NTRK2: variants seen among roughly 807,000 people sequenced by gnomAD.
The protein encoded by NTRK2 is BDNF/NT-3 growth factors receptor.
NTRK2 carries 13 observed loss-of-function variants against 94.5 expected under a neutral mutation model. That is an observed-to-expected ratio of 0.14 (90% CI 0.09 to 0.22). The LOEUF is 0.22. Among genes scored for constraint, NTRK2 ranks in the 10% least tolerant of loss-of-function variants. The pLI, the probability that NTRK2 is intolerant of heterozygous loss-of-function variation, is 1.00. For missense variants in NTRK2, 639 were observed against 1,071.2 expected (o/e 0.60, Z 5.63); for synonymous variants, 372 against 407.4 (o/e 0.91, Z 1.05).
chr9:84,830,365 A>T (rs1040522751), intron 12 of NTRK2, among the ~76,000 whole-genome samples: 1 of 152,194 alleles, frequency 6.6e-6, no homozygotes, highest in Non-Finnish European at 1.5e-5. Context: ...GGGCATTTAA[A>T]TATTAGCACC....
At chr9:84,774,307 G>A (rs1296322710) in intron 12 of NTRK2, among the ~76,000 whole-genome samples, 1 of 152,142 alleles carries the variant, frequency 6.6e-6, no homozygotes, top group East Asian at 1.9e-4. Context: ...GATGGATGCT[G>A]CCCCGGCCAG....
intron 17 of NTRK2, 190 bp downstream of exon 17, chr9:84,955,707 G>A: frequency 2.9e-6 from 2 of 679,204 alleles, no homozygotes; most frequent in South Asian, 1.6e-5. Flanking sequence ...TCCTCCTGAG[G>A]CCTCGCTCCT....
intron 14 of NTRK2, among the ~76,000 whole-genome samples, chr9:84,927,018 G>A (rs2077845494): frequency 1.3e-5 from 2 of 152,324 alleles, no homozygotes; most frequent in Admixed American, 1.3e-4. Context: ...ATTGATCATT[G>A]TGCCTATCGG....
intron 12 of NTRK2, among the ~76,000 whole-genome samples, chr9:84,846,623 T>G (rs1229992140): frequency 6.6e-6 from 1 of 152,242 alleles, no homozygotes; most frequent in East Asian, 1.9e-4. Context: ...ACATTTTGTT[T>G]TCTCTGGATC....
At chr9:84,723,045 A>G (rs1221552680) in intron 6 of NTRK2, among the ~76,000 whole-genome samples, 1 of 152,244 alleles carries the variant, frequency 6.6e-6, no homozygotes, top group East Asian at 1.9e-4. Context: ...TTTCTTCAAT[A>G]GAATGAGTCT....
chr9:84,884,183 TG>T (rs2076346774), intron 14 of NTRK2, among the ~76,000 whole-genome samples: 1 of 152,228 alleles, frequency 6.6e-6, no homozygotes, highest in Non-Finnish European at 1.5e-5. Context: ...TAAATAAGAT[TG>T]GGTAAGAGAA....
At chr9:84,687,076 G>A (rs972537804) in intron 2 of NTRK2, among the ~76,000 whole-genome samples, 3 of 152,066 alleles carry the variant, frequency 2.0e-5, no homozygotes, top group Admixed American at 6.6e-5. Context: ...TGTATTTGAC[G>A]GGTTTTTTTC....
rs1045092810 is a variant in NTRK2, at chr9:84,670,949, C to A, written c.201C>A (p.Asn67Lys). Residue 67 changes from asparagine to lysine, a missense_variant, in exon 2 of 19, where the codon AAC becomes AAA. Asn to Lys is a moderately conservative substitution (Grantham distance 94, BLOSUM62 0). Coordinates refer to ENST00000277120, the MANE Select transcript of NTRK2 (RefSeq NM_006180.6). ...RLEPNSVDPE[N>K]ITEIFIANQK... Reference sequence around the variant, plus strand: ...AGCCTAACAGTGTAGATCCTGAGAACATCACCGAAATGTGAGTTCCTGGAG... The same window carrying A: ...AGCCTAACAGTGTAGATCCTGAGAAAATCACCGAAATGTGAGTTCCTGGAG... The A allele has an allele frequency of 6.3e-7, 1 of 1,589,790 alleles. No individual in the cohort carries two copies. The highest frequency in any genetic ancestry group is 1.4e-5 in the African/African-American group (1 of 70,244).
chr9:84,938,408 A>G (rs901394767), intron 15 of NTRK2, among the ~76,000 whole-genome samples: 2 of 152,148 alleles, frequency 1.3e-5, no homozygotes, highest in Non-Finnish European at 2.9e-5. Context: ...CCATCCACGC[A>G]TCAGCTCTCA....
intron 9 of NTRK2, among the ~76,000 whole-genome samples, chr9:84,736,005 A>C (rs1163307346): frequency 6.6e-6 from 1 of 152,220 alleles, no homozygotes; most frequent in Non-Finnish European, 1.5e-5. Flanking sequence ...CCAAGTTGCA[A>C]CAATTTTGAA....
intron 14 of NTRK2, among the ~76,000 whole-genome samples, chr9:84,870,097 CTATA>C (rs67434914): frequency 0.15 from 14,762 of 99,454 alleles, 1,093 homozygotes; most frequent in Middle Eastern, 0.22. Flanking sequence ...TTCCCATTGA[CTATA>C]TATATATATA....
chr9:84,772,789 G>A (rs937427681), intron 12 of NTRK2, among the ~76,000 whole-genome samples: 4 of 152,180 alleles, frequency 2.6e-5, no homozygotes, highest in South Asian at 2.1e-4. Flanking sequence ...GGAGAAGGAG[G>A]CAGTGTTACT....
At chr9:84,870,280 G>A (rs1308189205) in intron 14 of NTRK2, among the ~76,000 whole-genome samples, 2 of 129,820 alleles carry the variant, frequency 1.5e-5, no homozygotes, top group Admixed American at 8.0e-5. Flanking sequence ...ATATAGGTAT[G>A]TGTACATATA....
chr9:84,970,979 C>T (rs1488085264), intron 17 of NTRK2, among the ~76,000 whole-genome samples: 1 of 152,226 alleles, frequency 6.6e-6, no homozygotes, highest in Non-Finnish European at 1.5e-5. Flanking sequence ...AGCATCTCCA[C>T]TTTTACTTTT....
chr9:84,948,510 G>T lies in NTRK2; in HGVS notation c.1813G>T (p.Ala605Ser), dbSNP rs2132882603. The T allele has an allele frequency of 6.2e-7, 1 of 1,614,140 alleles. No homozygotes were observed. The highest frequency in any genetic ancestry group is 8.5e-7 in the Non-Finnish European group (1 of 1,180,036). ...DNARKDFHRE[A>S]ELLTNLQHEH... is the part of the protein sequence containing the mutation. ...TGCACGCAAGGACTTCCACCGTGAG[G>T]CCGAGCTCCTGACCAACCTCCAGCA... The change falls in exon 16 of 19, where the codon GCC (alanine) becomes TCC (serine). Residue 605 changes from alanine to serine, a missense_variant. Ala to Ser is a moderately conservative substitution (Grantham distance 99, BLOSUM62 1). Transcript: ENST00000277120.
intron 14 of NTRK2, chr9:84,874,203 A>T (rs1479848064): frequency 1.9e-6 from 2 of 1,065,268 alleles, no homozygotes; most frequent in Admixed American, 5.3e-5. Context: ...CCAGCTGAGC[A>T]AACACAGTTG....
chr9:85,010,474 T>TA (rs1831441847), intron 17 of NTRK2, among the ~76,000 whole-genome samples: 1 of 152,176 alleles, frequency 6.6e-6, no homozygotes, highest in Admixed American at 6.5e-5. Flanking sequence ...TTGAACATTT[T>TA]AAAAAGGCAG....
intron 12 of NTRK2, among the ~76,000 whole-genome samples, chr9:84,846,987 A>G (rs1306753971): frequency 6.6e-6 from 1 of 152,236 alleles, no homozygotes; most frequent in African/African-American, 2.4e-5. Flanking sequence ...AACAGACACA[A>G]ACAGGCAGCT....
At chr9:84,846,221 C>A (rs560554433) in intron 12 of NTRK2, among the ~76,000 whole-genome samples, 83 of 152,314 alleles carry the variant, frequency 5.4e-4, no homozygotes, top group Middle Eastern at 3.4e-3. Context: ...AACAGTTAAA[C>A]CTGATGTGAA....
Sources: gnomAD v4.1 joint callset for allele counts (sites outside exome capture counted in the v4.1 genomes callset) on GRCh38, gnomAD v4.1.1 for gene constraint, MANE v1.5 for transcripts, NCBI Gene and HGNC (gene_info 2026-07-23, HGNC 2026-07-21) for gene names.